IMMP2L: variants seen among roughly 807,000 people sequenced by gnomAD.
The protein encoded by IMMP2L is mitochondrial inner membrane protease subunit 2.
In IMMP2L, 18 loss-of-function variants were observed where a neutral mutation model predicts 19.3. That is an observed-to-expected ratio of 0.93 (90% CI 0.64 to 1.38). The LOEUF (loss-of-function observed/expected upper bound fraction) is 1.38. IMMP2L is among the 40% of genes most tolerant of loss of function. The pLI is 0.00. For synonymous variants in IMMP2L, 76 were observed against 73.0 expected (o/e 1.04, Z -0.21); for missense variants, 233 against 218.2 (o/e 1.07, Z -0.43).
intron 5 of IMMP2L, among the ~76,000 whole-genome samples, chr7:110,771,588 G>C (rs1385684046): frequency 1.3e-5 from 2 of 152,046 alleles, no homozygotes; most frequent in Non-Finnish European, 2.9e-5. Context: ...TATCTATCAT[G>C]CTGGCCATGA....
chr7:110,947,488 C>T (rs2129553696), intron 4 of IMMP2L, among the ~76,000 whole-genome samples: 1 of 152,278 alleles, frequency 6.6e-6, no homozygotes, highest in Non-Finnish European at 1.5e-5. Context: ...CCCAGAAATC[C>T]ATTAAAGGTC....
chr7:111,048,856 G>A (rs1476492362), intron 3 of IMMP2L, among the ~76,000 whole-genome samples: 1 of 152,040 alleles, frequency 6.6e-6, no homozygotes, highest in Non-Finnish European at 1.5e-5. Flanking sequence ...AGATGCTCAT[G>A]TACTGCAGGG....
At chr7:111,234,473 T>C (rs144699439) in intron 3 of IMMP2L, among the ~76,000 whole-genome samples, 77 of 152,270 alleles carry the variant, frequency 5.1e-4, no homozygotes, top group Non-Finnish European at 7.1e-4. Flanking sequence ...TTTGATGCTG[T>C]TATTAGGTAC....
intron 5 of IMMP2L, among the ~76,000 whole-genome samples, chr7:110,848,100 T>C (rs1265782187): frequency 6.6e-6 from 1 of 152,130 alleles, no homozygotes; most frequent in African/African-American, 2.4e-5. Flanking sequence ...CTGTGAAAGA[T>C]AATGCCAAGA....
At chr7:111,444,479 C>A (rs1234379572) in intron 3 of IMMP2L, among the ~76,000 whole-genome samples, 7 of 152,096 alleles carry the variant, frequency 4.6e-5, no homozygotes, top group Admixed American at 4.6e-4. Context: ...TCTAGGGGTA[C>A]AAATAGGACT....
intron 4 of IMMP2L, among the ~76,000 whole-genome samples, chr7:110,929,292 A>T (rs538414524): frequency 6.6e-6 from 1 of 152,184 alleles, no homozygotes; most frequent in Non-Finnish European, 1.5e-5. Context: ...AATGCTCATG[A>T]GAAGTTGCTT....
At chr7:110,695,897 G>C (rs948540698) in intron 5 of IMMP2L, among the ~76,000 whole-genome samples, 14 of 152,310 alleles carry the variant, frequency 9.2e-5, no homozygotes, top group African/African-American at 2.6e-4. Context: ...GAACTGCACA[G>C]GTTAATAAAC....
At chr7:111,096,126 T>G (rs1429126460) in intron 3 of IMMP2L, among the ~76,000 whole-genome samples, 1 of 152,018 alleles carries the variant, frequency 6.6e-6, no homozygotes, top group East Asian at 1.9e-4. Flanking sequence ...TGTTTAAAGC[T>G]CTACCATTTA....
At chr7:111,486,616 C>T (rs1250951284) in intron 3 of IMMP2L, among the ~76,000 whole-genome samples, 2 of 152,112 alleles carry the variant, frequency 1.3e-5, no homozygotes, top group Non-Finnish European at 2.9e-5. Flanking sequence ...AATCTCCAAA[C>T]CATTTAGGCC....
At chr7:111,181,014 C>T (rs960052502) in intron 3 of IMMP2L, among the ~76,000 whole-genome samples, 3 of 151,936 alleles carry the variant, frequency 2.0e-5, no homozygotes, top group Non-Finnish European at 4.4e-5. Context: ...TATTTCTATA[C>T]TTTTACTATA....
intron 4 of IMMP2L, among the ~76,000 whole-genome samples, chr7:110,926,208 T>C (rs900611112): frequency 1.8e-4 from 28 of 152,176 alleles, no homozygotes; most frequent in Admixed American, 7.9e-4. Flanking sequence ...TCTATTCAGG[T>C]GAGAAAATTC....
intron 3 of IMMP2L, among the ~76,000 whole-genome samples, chr7:111,163,863 G>A (rs1805535410): frequency 6.6e-6 from 1 of 151,952 alleles, no homozygotes; most frequent in African/African-American, 2.4e-5. Context: ...TATCTCAGGG[G>A]AGACTAGGCT....
chr7:110,898,352 G>C (rs1422648107), intron 4 of IMMP2L, among the ~76,000 whole-genome samples: 2 of 151,996 alleles, frequency 1.3e-5, no homozygotes, highest in Admixed American at 6.6e-5. Flanking sequence ...ATAAATGTTA[G>C]AGGGCAAGAA....
intron 3 of IMMP2L, among the ~76,000 whole-genome samples, chr7:111,176,412 T>C (rs1480279775): frequency 6.6e-6 from 1 of 151,986 alleles, no homozygotes; most frequent in Non-Finnish European, 1.5e-5. Context: ...ATGTGGTACA[T>C]ATACACAATG....
At chr7:111,145,614 C>T (rs1803384179) in intron 3 of IMMP2L, among the ~76,000 whole-genome samples, 4 of 152,038 alleles carry the variant, frequency 2.6e-5, no homozygotes, top group Admixed American at 2.0e-4. Flanking sequence ...AGCATGTACC[C>T]TAGATGAGGC....
chr7:110,954,846 A>G (rs528836536), intron 4 of IMMP2L, among the ~76,000 whole-genome samples: 2 of 152,176 alleles, frequency 1.3e-5, no homozygotes, highest in East Asian at 3.9e-4. Context: ...CATTCAAGGA[A>G]ACCACTGACA....
chr7:111,347,120 C>G (rs1827647704), intron 3 of IMMP2L, among the ~76,000 whole-genome samples: 1 of 152,026 alleles, frequency 6.6e-6, no homozygotes, highest in African/African-American at 2.4e-5. Context: ...TGAATAAACT[C>G]AGAGAGAACA....
chr7:111,270,044 C>T (rs1818277555), intron 3 of IMMP2L, among the ~76,000 whole-genome samples: 1 of 143,824 alleles, frequency 7.0e-6, no homozygotes, highest in Admixed American at 7.0e-5. Flanking sequence ...TGTGTGTGTG[C>T]ATGCATGTGT....
intron 1 of IMMP2L, among the ~76,000 whole-genome samples, chr7:111,530,078 T>C (rs1350314173): frequency 6.6e-6 from 1 of 152,150 alleles, no homozygotes; most frequent in Non-Finnish European, 1.5e-5. Flanking sequence ...GGAAAGTCAG[T>C]GAAAACCTGG....
Sources: gnomAD v4.1 joint callset for allele counts (sites outside exome capture counted in the v4.1 genomes callset) on GRCh38, gnomAD v4.1.1 for gene constraint, MANE v1.5 for transcripts, NCBI Gene and HGNC (gene_info 2026-07-23, HGNC 2026-07-21) for gene names.